The following RMDN1 variants were observed in gnomAD, a reference collection of about 807,000 sequenced individuals.
RMDN1 encodes regulator of microtubule dynamics 1.
In RMDN1, 48 loss-of-function variants were observed where a neutral mutation model predicts 48.9. That is an observed-to-expected ratio of 0.98 (90% CI 0.78 to 1.25). The LOEUF (loss-of-function observed/expected upper bound fraction) is 1.25. Ranked by LOEUF, RMDN1 falls within the 50% of genes most tolerant of loss-of-function variation. RMDN1 has a pLI of 0.00. For missense variants in RMDN1, 418 were observed against 373.4 expected, an observed-to-expected ratio of 1.12 and a Z score of -0.98; for synonymous variants, 148 against 132.6, an observed-to-expected ratio of 1.12 and a Z score of -0.80.
At chr8:86,470,016 A>T, downstream of RMDN1, 1 of 286,100 alleles carries the variant, frequency 3.5e-6, no homozygotes, top group Non-Finnish European at 5.2e-6. Flanking sequence ...CACAGCTAGT[A>T]CACAGCCCAT....
chr8:86,477,814 C>T lies in RMDN1; in HGVS notation c.730-490G>A, dbSNP rs542570477. On this transcript the variant is annotated intron_variant, in intron 7 of 9. Coordinates refer to ENST00000406452, the MANE Select transcript of RMDN1 (RefSeq NM_016033.3). The stretch of plus-strand genomic sequence containing the variant: ...GTTTTTGTAATGCATTCTCTAATGA[C>T]ATTTGATTTCTAGAAACATAACTAA... 9.6e-4 allele frequency among the ~76,000 whole-genome samples: 146 copies of T among 151,562 alleles called. 1 individual carries two copies. The highest frequency in any genetic ancestry group is 3.4e-3 in the African/African-American group (139 of 41,282).
intron 4 of RMDN1, 110 bp downstream of exon 4, chr8:86,486,370 GAAAA>G: frequency 1.5e-6 from 1 of 667,862 alleles, no homozygotes; most frequent in Non-Finnish European, 2.2e-6. Flanking sequence ...TGAATAAAAA[GAAAA>G]AAAAACTTAA....
upstream of RMDN1, among the ~76,000 whole-genome samples, chr8:86,511,409 G>A (rs1820039950): frequency 6.6e-6 from 1 of 152,058 alleles, no homozygotes. Flanking sequence ...AGGAAGTGGA[G>A]CTTGCAGTGA....
chr8:86,471,518 A>T (rs1292212892), downstream of RMDN1, among the ~76,000 whole-genome samples: 1 of 152,218 alleles, frequency 6.6e-6, no homozygotes, highest in East Asian at 1.9e-4. Context: ...AAAAACTCAG[A>T]ACTGGACAAA....
upstream of RMDN1, among the ~76,000 whole-genome samples, chr8:86,513,127 C>A (rs1388803515): frequency 2.6e-5 from 4 of 151,902 alleles, no homozygotes; most frequent in Non-Finnish European, 5.9e-5. Context: ...GTAATCTCAG[C>A]ACTTTGGGAA....
intron 2 of RMDN1, chr8:86,505,127 A>G: frequency 1.5e-6 from 2 of 1,306,834 alleles, no homozygotes; most frequent in Non-Finnish European, 2.0e-6. Flanking sequence ...TGAATGAGAG[A>G]CCTCATCAGG....
At chr8:86,494,830 TGG>T in intron 2 of RMDN1, 1 of 309,350 alleles carries the variant, frequency 3.2e-6, no homozygotes, top group South Asian at 2.5e-5. Context: ...AAAAATTACC[TGG>T]GCATCATGGC....
chr8:86,510,067 G>A (rs1034890760), upstream of RMDN1, among the ~76,000 whole-genome samples: 5 of 152,104 alleles, frequency 3.3e-5, no homozygotes, highest in African/African-American at 1.2e-4. Flanking sequence ...CCTAAGAAAA[G>A]TTGCAGGAAC....
intron 5 of RMDN1, among the ~76,000 whole-genome samples, chr8:86,481,086 A>G (rs1431562820): frequency 6.6e-6 from 1 of 152,156 alleles, no homozygotes; most frequent in East Asian, 1.9e-4. Context: ...TTTTGAAAAA[A>G]TTAAGATTTC....
At chr8:86,477,199 G>A (rs1813523954) in intron 8 of RMDN1, 95 bp downstream of exon 8, 1 of 859,618 alleles carries the variant, frequency 1.2e-6, no homozygotes, top group African/African-American at 1.7e-5. Flanking sequence ...AAGTATAACA[G>A]AATAAACAAC....
rs1819502753 is a variant in RMDN1, at chr8:86,507,131, TAA to T, written c.130-21_130-20del. On this transcript the variant is annotated intron_variant, in intron 1 of 9. Coordinates refer to ENST00000406452, the MANE Select transcript of RMDN1 (RefSeq NM_016033.3). ...CCATTACCTATGGAAACAATTATGT[TAA>T]GAGTTACAAACTTTGAAAATTTGAA... 4 of 1,476,766 alleles carry T rather than the reference TAA, an allele frequency of 2.7e-6. No homozygotes were observed. In the African/African-American group the frequency reaches 5.5e-5, roughly 20 times the overall value. The allele number at this position is 1,476,766 out of a possible 1,614,324, so 91.5% of individuals were successfully genotyped here.
At chr8:86,468,443 AT>A (rs1563564056), downstream of RMDN1, 1 of 438,222 alleles carries the variant, frequency 2.3e-6, no homozygotes, top group Admixed American at 2.7e-5. Context: ...TAAAAAAAAA[AT>A]TCTAATGTAT....
chr8:86,482,469 T>C (rs1446616608), intron 5 of RMDN1: 4 of 563,492 alleles, frequency 7.1e-6, no homozygotes, highest in Non-Finnish European at 1.3e-5. Context: ...CCATATATTA[T>C]TAGAAAGTGT....
At chr8:86,494,889 ACT>A (rs1586716703) in intron 2 of RMDN1, 1 of 412,500 alleles carries the variant, frequency 2.4e-6, no homozygotes, top group East Asian at 7.7e-5. Context: ...TGGGAGGATC[ACT>A]TGAACCCAGG....
Position 86,482,840 on chromosome 8 carries a change from C to T in RMDN1, c.585+2032G>A, listed in dbSNP as rs1163952777. On this transcript the variant is annotated intron_variant, in intron 5 of 9. Coordinates refer to ENST00000406452, the MANE Select transcript of RMDN1 (RefSeq NM_016033.3). ...GAGCCATCCTTTGGGGAGGTCACTG[C>T]GAGCTCTCTTTGCTGAACATACAGA... 5.3e-6 allele frequency: 6 copies of T among 1,142,162 alleles called. No homozygotes were observed. In the African/African-American group the frequency reaches 6.1e-5, roughly 12 times the overall value. 70.8% of individuals were successfully genotyped at this position (1,142,162 alleles called of 1,614,324 possible).
At chr8:86,496,115 T>C (rs938123246) in intron 2 of RMDN1, among the ~76,000 whole-genome samples, 2 of 152,222 alleles carry the variant, frequency 1.3e-5, no homozygotes, top group Non-Finnish European at 2.9e-5. Context: ...AGGGAATTTC[T>C]TACCATCAGA....
chr8:86,474,856 G>A lies in RMDN1; in HGVS notation c.858C>T (p.Ala286=), dbSNP rs1813100435. Residue 286 remains alanine, a synonymous_variant, in exon 9 of 10, where the codon GCC becomes GCT. Coordinates refer to ENST00000406452, the MANE Select transcript of RMDN1 (RefSeq NM_016033.3). ...KKLAAFWLMK[A]KDYPAHTEED... is the part of the protein sequence containing the mutation. ...CCTCTGTGTGTGCTGGATAGTCCTT[G>A]GCTTTCATTAGCCAGAAAGCAGCAA... is the stretch of plus-strand genomic sequence containing the variant. 1 of 1,612,566 alleles carries A rather than the reference G, an allele frequency of 6.2e-7. No homozygotes were observed. Among genetic ancestry groups the A allele is most frequent in the Admixed American group, 1.7e-5 (1 of 59,742 alleles).
chr8:86,472,602 T>G lies in RMDN1; in HGVS notation c.*1706A>C. 1.5e-6 allele frequency: 1 copy of G among 648,028 alleles called. No homozygotes were observed. The highest frequency in any genetic ancestry group is 2.8e-6 in the Non-Finnish European group (1 of 362,816). The allele number at this position is 648,028 out of a possible 1,614,324, so 40.1% of individuals were successfully genotyped here. A position where few individuals can be genotyped will look rare whatever the true frequency, so the allele number is the denominator to read the frequency against. On this transcript the variant is annotated 3_prime_UTR_variant, in exon 10 of 10. Coordinates refer to ENST00000406452, the MANE Select transcript of RMDN1 (RefSeq NM_016033.3). Reference sequence around the variant, plus strand: ...TGATACAGGTTTCTGGTGATGCTACTGTTGCCTAGCTACCCTGACCACATT... The same window carrying G: ...TGATACAGGTTTCTGGTGATGCTACGGTTGCCTAGCTACCCTGACCACATT...
chr8:86,475,323 C>T (rs551563577), intron 8 of RMDN1, among the ~76,000 whole-genome samples: 26 of 152,214 alleles, frequency 1.7e-4, no homozygotes, highest in African/African-American at 6.3e-4. Flanking sequence ...GTGCCTACAA[C>T]AGTGTGTGAA....
Sources: allele counts gnomAD v4.1 joint callset (sites outside exome capture counted in the v4.1 genomes callset), GRCh38; gene constraint gnomAD v4.1.1; transcripts MANE v1.5; gene names NCBI Gene and HGNC (gene_info 2026-07-23, HGNC 2026-07-21).